The following NCALD variants were observed in gnomAD, a reference collection of about 807,000 sequenced individuals.
The protein encoded by NCALD is neurocalcin delta.
NCALD carries 10 observed loss-of-function variants against 18.6 expected under a neutral mutation model. The observed-to-expected ratio is 0.54, with a 90% CI of 0.33 to 0.91. The LOEUF (loss-of-function observed/expected upper bound fraction) is 0.91. Among genes scored for constraint, NCALD ranks in the 40% least tolerant of loss-of-function variants. NCALD has a pLI of 0.03. For missense variants in NCALD, 184 were observed against 247.6 expected (o/e 0.74, Z 1.72); for synonymous variants, 88 against 87.4 (o/e 1.01, Z -0.04).
intron 4 of NCALD, chr8:101,847,361 C>T (rs913182955): frequency 1.8e-5 from 4 of 222,944 alleles, no homozygotes; most frequent in South Asian, 7.5e-5. Flanking sequence ...ACAACAGGAT[C>T]GCCCTTCCCT....
At chr8:101,774,498 T>C (rs1174242579) in intron 1 of NCALD, among the ~76,000 whole-genome samples, 1 of 152,238 alleles carries the variant, frequency 6.6e-6, no homozygotes, top group African/African-American at 2.4e-5. Context: ...TGGGGAAATG[T>C]GATTTAATTT....
intron 1 of NCALD, chr8:101,721,147 T>A (rs1816336029): frequency 9.0e-6 from 1 of 111,380 alleles, no homozygotes; most frequent in East Asian, 2.4e-4. Context: ...TGCACTTGTA[T>A]TTTGCATTTT....
intron 1 of NCALD, among the ~76,000 whole-genome samples, chr8:102,056,138 A>C (rs934185546): frequency 6.6e-6 from 1 of 152,230 alleles, no homozygotes; most frequent in Admixed American, 6.5e-5. Flanking sequence ...AATTATCCAA[A>C]AGGCAAAATA....
intron 4 of NCALD, among the ~76,000 whole-genome samples, chr8:101,860,391 G>C (rs1180940390): frequency 6.6e-6 from 1 of 152,186 alleles, no homozygotes; most frequent in African/African-American, 2.4e-5. Context: ...TATGTAGTAG[G>C]TTTAGAGAAT....
intron 2 of NCALD, among the ~76,000 whole-genome samples, chr8:101,951,674 G>A (rs912962301): frequency 3.9e-5 from 6 of 152,320 alleles, no homozygotes; most frequent in African/African-American, 1.2e-4. Flanking sequence ...CTCAGCAAAT[G>A]TTTCTTGAAC....
chr8:101,742,230 GAA>G (rs5893581), intron 1 of NCALD, among the ~76,000 whole-genome samples: 6 of 145,466 alleles, frequency 4.1e-5, no homozygotes, highest in Non-Finnish European at 6.0e-5. Flanking sequence ...CTGTCTCAAA[GAA>G]AAAAAAAAAG....
intron 4 of NCALD, among the ~76,000 whole-genome samples, chr8:101,810,949 T>G (rs2131138682): frequency 6.6e-6 from 1 of 152,292 alleles, no homozygotes; most frequent in South Asian, 2.1e-4. Context: ...CCTGGGAATA[T>G]TTTAAAAAAT....
chr8:102,037,625 C>A (rs1181899146), intron 1 of NCALD, among the ~76,000 whole-genome samples: 1 of 147,804 alleles, frequency 6.8e-6, no homozygotes, highest in Non-Finnish European at 1.5e-5. Context: ...TTTATTTTCT[C>A]CTTTCTTCTA....
chr8:101,969,903 G>C (rs1820173472), intron 2 of NCALD, among the ~76,000 whole-genome samples: 1 of 152,148 alleles, frequency 6.6e-6, no homozygotes, highest in African/African-American at 2.4e-5. Flanking sequence ...GAAAAATGTA[G>C]AAAGTAGAAA....
intron 2 of NCALD, among the ~76,000 whole-genome samples, chr8:101,974,593 C>T (rs962510760): frequency 1.3e-5 from 2 of 152,136 alleles, no homozygotes; most frequent in South Asian, 2.1e-4. Flanking sequence ...CTGCTGAAGC[C>T]GCTCCCTTAA....
chr8:101,833,778 T>C (rs1814291791), intron 4 of NCALD, among the ~76,000 whole-genome samples: 1 of 152,170 alleles, frequency 6.6e-6, no homozygotes, highest in Non-Finnish European at 1.5e-5. Context: ...GGTGAAAATA[T>C]GCCAGTTTAA....
chr8:101,704,086 G>C (rs1815398653), intron 2 of NCALD, among the ~76,000 whole-genome samples: 8 of 152,192 alleles, frequency 5.3e-5, no homozygotes, highest in Admixed American at 5.2e-4. Flanking sequence ...CTAGCTGAGT[G>C]CTGCTCTCGT....
At chr8:101,876,252 A>G (rs574930933) in intron 4 of NCALD, among the ~76,000 whole-genome samples, 1 of 152,370 alleles carries the variant, frequency 6.6e-6, no homozygotes, top group South Asian at 2.1e-4. Context: ...CTCATTCTCC[A>G]ACACACAGGG....
chr8:101,933,004 C>T (rs917512597), intron 2 of NCALD, among the ~76,000 whole-genome samples: 3 of 152,140 alleles, frequency 2.0e-5, no homozygotes, highest in Non-Finnish European at 2.9e-5. Flanking sequence ...TTTTTCTTCC[C>T]GGATGCACAC....
intron 2 of NCALD, among the ~76,000 whole-genome samples, chr8:102,008,648 C>G (rs1457061066): frequency 6.6e-6 from 1 of 151,990 alleles, no homozygotes; most frequent in Admixed American, 6.6e-5. Context: ...ACAAACAAAC[C>G]TTGATAAACT....
chr8:101,772,360 A>G (rs1370008436), intron 1 of NCALD, among the ~76,000 whole-genome samples: 3 of 152,212 alleles, frequency 2.0e-5, no homozygotes, highest in Non-Finnish European at 4.4e-5. Flanking sequence ...ACAGGCCCAC[A>G]GTCTTAGAGC....
chr8:101,994,371 A>AC (rs1821159602), intron 2 of NCALD, among the ~76,000 whole-genome samples: 1 of 151,940 alleles, frequency 6.6e-6, no homozygotes, highest in Non-Finnish European at 1.5e-5. Context: ...CTCAAGCCTC[A>AC]CCCCACCCCT....
chr8:101,789,305 GATCA>G (rs1812360450), intron 1 of NCALD, among the ~76,000 whole-genome samples: 1 of 152,050 alleles, frequency 6.6e-6, no homozygotes, highest in Non-Finnish European at 1.5e-5. Flanking sequence ...ATAATTTTGA[GATCA>G]ATTAAGTGAT....
intron 1 of NCALD, among the ~76,000 whole-genome samples, chr8:102,123,125 C>T (rs1825991300): frequency 6.6e-6 from 1 of 152,178 alleles, no homozygotes; most frequent in South Asian, 2.1e-4. Context: ...TCTGAGAAAC[C>T]CCTGACAGCA....
Sources: allele counts gnomAD v4.1 joint callset (sites outside exome capture counted in the v4.1 genomes callset), GRCh38; gene constraint gnomAD v4.1.1; transcripts MANE v1.5; gene names NCBI Gene and HGNC (gene_info 2026-07-23, HGNC 2026-07-21).